The following PCNX1 variants were observed in gnomAD, a reference collection of about 807,000 sequenced individuals.
PCNX1 encodes pecanex 1.
A neutral mutation model predicts 242.2 loss-of-function variants in PCNX1; 78 were observed. That is an observed-to-expected ratio of 0.32 (90% confidence interval 0.27 to 0.39). The LOEUF (loss-of-function observed/expected upper bound fraction) is 0.39, where lower values mean the gene tolerates loss of function less well. Among genes scored for constraint, PCNX1 ranks in the 10% least tolerant of loss-of-function variants. PCNX1 has a pLI of 1.00. For missense variants in PCNX1, 2,581 were observed against 2,856.5 expected, an observed-to-expected ratio of 0.90 and a Z score of 2.20; for synonymous variants, 1,024 against 1,032.9, an observed-to-expected ratio of 0.99 and a Z score of 0.17.
chr14:70,930,836 T>A (rs1246437653), intron 1 of PCNX1, among the ~76,000 whole-genome samples: 1 of 152,084 alleles, frequency 6.6e-6, no homozygotes, highest in Non-Finnish European at 1.5e-5. Context: ...ACTTTTCTCC[T>A]TTTCCTCTGC....
rs1359239611 is a variant in PCNX1, at chr14:71,114,285, T to A, written c.*4350T>A. On this transcript the variant is annotated 3_prime_UTR_variant, in exon 36 of 36. Coordinates refer to ENST00000304743, the MANE Select transcript of PCNX1 (RefSeq NM_014982.3). ...TTTATCTATCTTTTTTGTTTGTTTT[T>A]AATTTGGTTGATTGATATGCACCCA... 1 of 152,228 alleles carries A rather than the reference T, an allele frequency of 6.6e-6. No homozygotes were observed. Among genetic ancestry groups the A allele is most frequent in the Non-Finnish European group, 1.5e-5 (1 of 68,036 alleles). 9.4% of individuals were successfully genotyped at this position (152,228 alleles called of 1,614,324 possible).
chr14:71,085,343 TCTG>T (rs2061958928), intron 28 of PCNX1: 1 of 152,262 alleles, frequency 6.6e-6, no homozygotes, highest in South Asian at 2.1e-4. Flanking sequence ...GATTCTTCAA[TCTG>T]TAAGTACATA....
intron 28 of PCNX1, among the ~76,000 whole-genome samples, chr14:71,085,120 C>G (rs1028004566): frequency 1.2e-4 from 18 of 152,226 alleles, no homozygotes; most frequent in African/African-American, 4.3e-4. Flanking sequence ...TCTTGTGCTT[C>G]CCAAGTGAGG....
At chr14:70,938,738 G>C (rs2057111668) in intron 1 of PCNX1, among the ~76,000 whole-genome samples, 1 of 152,170 alleles carries the variant, frequency 6.6e-6, no homozygotes, top group Non-Finnish European at 1.5e-5. Context: ...GGTAGAATTT[G>C]GCTGTGAATC....
At position 71,010,165 on chromosome 14, in the gene PCNX1, C is replaced by A. The variant is rs541750524; in HGVS notation, c.2720+441C>A. Among the ~76,000 whole-genome samples, 3 of 152,074 alleles carry A rather than the reference C, an allele frequency of 2.0e-5. No homozygotes were observed. In the East Asian group the frequency reaches 5.8e-4, roughly 29 times the overall value. On this transcript the variant is annotated intron_variant, in intron 9 of 35. Transcript: ENST00000304743. ...AAAAAAGAAAGTATTGTTTTTAAAA[C>A]AAAAGCTATTCTGTGTTTTAAAAAC...
chr14:70,907,916 C>T lies in PCNX1; in HGVS notation c.66C>T (p.Tyr22=), dbSNP rs763099569. 1.3e-6 allele frequency: 2 copies of T among 1,590,258 alleles called. No homozygotes were observed. Among genetic ancestry groups the T allele is most frequent in the South Asian group, 1.1e-5 (1 of 88,350 alleles). Residue 22 remains tyrosine, a synonymous_variant, in exon 1 of 36, where the codon TAC becomes TAT. Coordinates refer to ENST00000304743, the MANE Select transcript of PCNX1 (RefSeq NM_014982.3). ...GVWAALSGGW[Y]YDPHQATFVN... ...GGGCCGCGCTCAGCGGGGGCTGGTA[C>T]TACGACCCGCACCAGGCCACCTTCG...
At chr14:70,968,791 C>A (rs2058455740) in intron 4 of PCNX1, among the ~76,000 whole-genome samples, 1 of 152,136 alleles carries the variant, frequency 6.6e-6, no homozygotes, top group African/African-American at 2.4e-5. Flanking sequence ...CATTTTGAAG[C>A]TTTCCACATT....
At chr14:70,983,894 G>C (rs2058919724) in intron 6 of PCNX1, among the ~76,000 whole-genome samples, 1 of 151,360 alleles carries the variant, frequency 6.6e-6, no homozygotes, top group Non-Finnish European at 1.5e-5. Context: ...CTAAGAAAGG[G>C]AAAAACTATT....
At chr14:71,088,466 T>C (rs1438251443) in intron 29 of PCNX1, 36 bp downstream of exon 29, 13 of 1,235,694 alleles carry the variant, frequency 1.1e-5, no homozygotes, top group East Asian at 9.3e-5. Context: ...GAAGAGAGCA[T>C]GGGAAGCTGT....
chr14:71,084,961 G>A (rs1038102570), intron 28 of PCNX1, among the ~76,000 whole-genome samples: 1 of 152,170 alleles, frequency 6.6e-6, no homozygotes, highest in Non-Finnish European at 1.5e-5. Context: ...GAAACCCAGG[G>A]CCCTGGTGGT....
intron 26 of PCNX1, among the ~76,000 whole-genome samples, chr14:71,062,145 A>C (rs2141288904): frequency 6.6e-6 from 1 of 152,302 alleles, no homozygotes; most frequent in East Asian, 1.9e-4. Flanking sequence ...ACTATTGTGG[A>C]CATAATTTTT....
At chr14:70,976,372 CTTTTT>C (rs869087088) in intron 5 of PCNX1, among the ~76,000 whole-genome samples, 1 of 82,686 alleles carries the variant, frequency 1.2e-5, no homozygotes, top group Non-Finnish European at 2.6e-5. Flanking sequence ...TTCTTTCTTT[CTTTTT>C]TTTTTTTTTT....
At chr14:70,990,875 ATT>A (rs2059143989) in intron 7 of PCNX1, among the ~76,000 whole-genome samples, 1 of 151,858 alleles carries the variant, frequency 6.6e-6, no homozygotes, top group African/African-American at 2.4e-5. Flanking sequence ...TACTTTTTCT[ATT>A]TTGTTTCTAA....
Position 70,945,420 on chromosome 14 carries a change from A to G in PCNX1, c.154-1495A>G, listed in dbSNP as rs923115824. ...GAATCAGAAGTTTAATTTTTTAGAT[A>G]CATTAATATGCAGGACTTCTTAATC... On this transcript the variant is annotated intron_variant, in intron 1 of 35. Transcript: ENST00000304743. Among the ~76,000 whole-genome samples the G allele has an allele frequency of 2.6e-5, 4 of 152,028 alleles. No individual in the cohort carries two copies. In the East Asian group the frequency reaches 7.7e-4, roughly 29 times the overall value.
chr14:71,025,124 T>C (rs930887125), intron 13 of PCNX1, among the ~76,000 whole-genome samples: 7 of 152,220 alleles, frequency 4.6e-5, no homozygotes, highest in Admixed American at 6.5e-5. Context: ...CTACATTTAT[T>C]AGTTGACTAT....
chr14:71,089,423 A>C, intron 30 of PCNX1, 81 bp downstream of exon 30: 1 of 1,058,874 alleles, frequency 9.4e-7, no homozygotes, highest in Non-Finnish European at 1.4e-6. Flanking sequence ...GTCCATTCTC[A>C]CGCTGCTGTA....
intron 6 of PCNX1, among the ~76,000 whole-genome samples, chr14:70,987,537 T>C (rs1413381176): frequency 6.6e-6 from 1 of 152,232 alleles, no homozygotes; most frequent in East Asian, 1.9e-4. Flanking sequence ...GGAAGTTTCA[T>C]GTTTGGAAAG....
At chr14:71,098,509 C>CGTGTGT (rs3221474) in intron 30 of PCNX1, among the ~76,000 whole-genome samples, 1,835 of 128,598 alleles carry the variant, frequency 0.014, 23 homozygotes, top group South Asian at 0.055. Flanking sequence ...TAGATGTATT[C>CGTGTGT]GTGTGTGTGT....
At position 71,063,452 on chromosome 14, in the gene PCNX1, T is replaced by C. The variant is rs181509107; in HGVS notation, c.4852+5728T>C. Among the ~76,000 whole-genome samples the C allele has an allele frequency of 2.5e-3, 383 of 152,312 alleles. 4 individuals are homozygous for C. Among genetic ancestry groups the C allele is most frequent in the African/African-American group, 8.8e-3 (366 of 41,586 alleles). Reference sequence around the variant, plus strand: ...CACACAGCAATTAGTATATAATAAGTATTTTGTTAGTTTCGTAGACTGATT... The same window carrying C: ...CACACAGCAATTAGTATATAATAAGCATTTTGTTAGTTTCGTAGACTGATT... On this transcript the variant is annotated intron_variant, in intron 26 of 35. Coordinates refer to ENST00000304743, the MANE Select transcript of PCNX1 (RefSeq NM_014982.3).
Sources: gnomAD v4.1 joint callset for allele counts (sites outside exome capture counted in the v4.1 genomes callset) on GRCh38, gnomAD v4.1.1 for gene constraint, MANE v1.5 for transcripts, NCBI Gene and HGNC (gene_info 2026-07-23, HGNC 2026-07-21) for gene names.